TUSC3: variants seen among roughly 807,000 people sequenced by gnomAD.
TUSC3 encodes the protein dolichyl-diphosphooligosaccharide--protein glycosyltransferase subunit TUSC3.
In TUSC3, 45 loss-of-function variants were observed where a neutral mutation model predicts 44.8. The ratio of observed to expected loss-of-function variants is 1.00; its 90% confidence interval spans 0.79 to 1.29. TUSC3 has a LOEUF of 1.29. TUSC3 is among the 50% of genes most tolerant of loss of function. The pLI is 0.00. For synonymous variants in TUSC3, 212 were observed against 152.9 expected, an observed-to-expected ratio of 1.39 and a Z score of -2.85; for missense variants, 519 against 437.9, an observed-to-expected ratio of 1.19 and a Z score of -1.65.
chr8:15,729,480 A>G lies in TUSC3; in HGVS notation c.799-1186A>G, dbSNP rs1298151326. Among the ~76,000 whole-genome samples the G allele has an allele frequency of 2.0e-5, 3 of 152,186 alleles. No homozygotes were observed. In the East Asian group the frequency reaches 5.8e-4, roughly 29 times the overall value. The stretch of plus-strand genomic sequence containing the variant: ...CTACTTTATGTGATTGTCAATCAAC[A>G]GTGGACTGGATTAAAAAAATGTGGT... On this transcript the variant is annotated intron_variant, in intron 6 of 10. Transcript: ENST00000503731.
intron 6 of TUSC3, among the ~76,000 whole-genome samples, chr8:15,692,546 G>C (rs190769249): frequency 0.027 from 4,050 of 151,630 alleles, 177 homozygotes; most frequent in African/African-American, 0.092. Context: ...TCAGTTCAGG[G>C]ATTCACTTTC....
chr8:15,508,992 G>C (rs1801097424), intron 2 of TUSC3, among the ~76,000 whole-genome samples: 1 of 152,044 alleles, frequency 6.6e-6, no homozygotes, highest in Non-Finnish European at 1.5e-5. Context: ...GCGCCTGGTA[G>C]AGTTATAATT....
At chr8:15,541,924 G>C (rs1268838402) in intron 1 of TUSC3, among the ~76,000 whole-genome samples, 1 of 151,566 alleles carries the variant, frequency 6.6e-6, no homozygotes. Context: ...TTATCTCCTA[G>C]GACGATCCCT....
chr8:15,827,096 C>T, the TUSC3 span, among the ~76,000 whole-genome samples: 2 of 152,128 alleles, frequency 1.3e-5, no homozygotes, highest in East Asian at 3.9e-4. Flanking sequence ...TTTCTAGTCT[C>T]TTGACTCCGA....
At chr8:15,824,051 T>C in the TUSC3 span, among the ~76,000 whole-genome samples, 1 of 152,170 alleles carries the variant, frequency 6.6e-6, no homozygotes, top group Admixed American at 6.5e-5. Context: ...AGCAAGAAAA[T>C]GTTTTAGCAA....
intron 1 of TUSC3, among the ~76,000 whole-genome samples, chr8:15,600,693 A>G (rs1305829261): frequency 6.6e-6 from 1 of 151,702 alleles, no homozygotes; most frequent in Non-Finnish European, 1.5e-5. Flanking sequence ...CTGTTTTGCC[A>G]TGTAAGTTAA....
At chr8:15,774,641 C>T in the TUSC3 span, among the ~76,000 whole-genome samples, 23 of 152,258 alleles carry the variant, frequency 1.5e-4, no homozygotes, top group South Asian at 4.6e-3. Context: ...TTTGTTACAG[C>T]AGCTCTAGGA....
intron 1 of TUSC3, among the ~76,000 whole-genome samples, chr8:15,439,094 G>A (rs891276484): frequency 2.0e-5 from 3 of 152,092 alleles, no homozygotes; most frequent in East Asian, 1.9e-4. Context: ...AATGCAACTC[G>A]TCCATATACA....
chr8:15,490,791 A>G (rs1213751434), intron 2 of TUSC3, among the ~76,000 whole-genome samples: 3 of 152,202 alleles, frequency 2.0e-5, no homozygotes, highest in Non-Finnish European at 2.9e-5. Context: ...TACAGGAGAT[A>G]TTTTTCTCAT....
chr8:15,501,913 G>A (rs1387230434), intron 2 of TUSC3, among the ~76,000 whole-genome samples: 1 of 152,166 alleles, frequency 6.6e-6, no homozygotes, highest in East Asian at 1.9e-4. Flanking sequence ...GTCCACCTTA[G>A]TTCAGTCTTG....
chr8:15,648,910 G>C (rs1403019088), intron 2 of TUSC3, among the ~76,000 whole-genome samples: 7 of 151,884 alleles, frequency 4.6e-5, no homozygotes, highest in African/African-American at 1.2e-4. Flanking sequence ...TTGGGGGATA[G>C]AGAACTAATG....
intron 1 of TUSC3, among the ~76,000 whole-genome samples, chr8:15,554,071 T>C (rs948561097): frequency 6.6e-6 from 1 of 151,566 alleles, no homozygotes; most frequent in African/African-American, 2.4e-5. Context: ...AGGCCCACTT[T>C]CTCGGAGATG....
At chr8:15,582,454 C>G (rs1367667238) in intron 1 of TUSC3, among the ~76,000 whole-genome samples, 1 of 152,284 alleles carries the variant, frequency 6.6e-6, no homozygotes, top group East Asian at 1.9e-4. Flanking sequence ...TAATGAAGGA[C>G]ATTTTGACCA....
chr8:15,848,358 T>A, the TUSC3 span, among the ~76,000 whole-genome samples: 68 of 152,324 alleles, frequency 4.5e-4, no homozygotes, highest in African/African-American at 1.6e-3. Flanking sequence ...AGGAGCTGGT[T>A]GGAACAGGCT....
At chr8:15,631,931 A>ACTCCTGAC (rs1307247003) in intron 2 of TUSC3, among the ~76,000 whole-genome samples, 1 of 150,806 alleles carries the variant, frequency 6.6e-6, no homozygotes, top group African/African-American at 2.4e-5. Context: ...CTGGTCTTGA[A>ACTCCTGAC]CTCCTGACCT....
intron 7 of TUSC3, among the ~76,000 whole-genome samples, chr8:15,732,743 G>A (rs953877003): frequency 6.6e-6 from 1 of 152,130 alleles, no homozygotes. Flanking sequence ...ATGAAGTTGA[G>A]AAGAACAAGA....
chr8:15,535,825 G>C (rs1801514483), upstream of TUSC3, among the ~76,000 whole-genome samples: 1 of 152,164 alleles, frequency 6.6e-6, no homozygotes. Context: ...GAGATGACGT[G>C]TTGGGAGATC....
intron 1 of TUSC3, among the ~76,000 whole-genome samples, chr8:15,567,283 A>ATT (rs1159489125): frequency 6.6e-6 from 1 of 152,174 alleles, no homozygotes; most frequent in Admixed American, 6.5e-5. Flanking sequence ...ATTAACAAAA[A>ATT]GTTCTTCCTA....
intron 1 of TUSC3, among the ~76,000 whole-genome samples, chr8:15,600,107 G>C (rs141065927): frequency 7.9e-5 from 12 of 151,734 alleles, no homozygotes; most frequent in African/African-American, 2.9e-4. Flanking sequence ...GAAAACAAGT[G>C]GTAGAGGGGA....
Sources: allele counts gnomAD v4.1 joint callset (sites outside exome capture counted in the v4.1 genomes callset), GRCh38; gene constraint gnomAD v4.1.1; transcripts MANE v1.5; gene names NCBI Gene and HGNC (gene_info 2026-07-23, HGNC 2026-07-21).